ANKRD36C: variants seen among roughly 807,000 people sequenced by gnomAD.
ANKRD36C encodes the protein ankyrin repeat domain 36C, also known as ankyrin repeat domain-containing protein 36C.
ANKRD36C carries 61 observed loss-of-function variants against 276.4 expected under a neutral mutation model. That is an observed-to-expected ratio of 0.22 (90% CI 0.18 to 0.27). The LOEUF (loss-of-function observed/expected upper bound fraction) is 0.27, where lower values mean the gene tolerates loss of function less well. Among genes scored for constraint, ANKRD36C ranks in the 10% least tolerant of loss-of-function variants. ANKRD36C has a pLI of 1.00. For synonymous variants in ANKRD36C, 483 were observed against 680.1 expected (o/e 0.71, Z 4.51); for missense variants, 1,447 against 2,032.3 (o/e 0.71, Z 5.54).
chr2:95,884,369 C>T lies in ANKRD36C; in HGVS notation c.3164-1G>A. ...AAGGCTGGTTGTCTCTGAGAAGACA[C>T]TGAAAAGCAAAAGGGATACATAATC... On this transcript the variant is annotated splice_acceptor_variant, in intron 52 of 66. Coordinates refer to ENST00000456556, the Ensembl canonical transcript of ANKRD36C. LOFTEE classifies it high-confidence loss of function. 1.2e-6 allele frequency: 2 copies of T among 1,610,738 alleles called. No homozygotes were observed. Among genetic ancestry groups the T allele is most frequent in the South Asian group, 2.2e-5 (2 of 90,956 alleles).
At chr2:95,889,630 C>A (rs1228585373) in intron 48 of ANKRD36C, among the ~76,000 whole-genome samples, 169 bp downstream of exon 68, 1 of 151,430 alleles carries the variant, frequency 6.6e-6, no homozygotes, top group African/African-American at 2.4e-5. Context: ...TTCATCATGG[C>A]CAAGGACCAC....
At chr2:95,852,948 C>G (rs1668956163) in intron 64 of ANKRD36C, 1 of 152,278 alleles carries the variant, frequency 6.6e-6, no homozygotes, top group Admixed American at 6.5e-5. Flanking sequence ...CAAAGGTGTC[C>G]ATTAAACATG....
At chr2:95,915,766 C>T (rs1023337214) in intron 38 of ANKRD36C, among the ~76,000 whole-genome samples, 1 of 151,500 alleles carries the variant, frequency 6.6e-6, no homozygotes, top group Non-Finnish European at 1.5e-5. Flanking sequence ...ATTTCTTCCT[C>T]CCAATTGCAA....
chr2:95,956,732 TTCTC>T (rs1470354187), intron 13 of ANKRD36C, 50 bp downstream of exon 13: 7 of 1,473,150 alleles, frequency 4.8e-6, no homozygotes, highest in Non-Finnish European at 6.4e-6. Context: ...CTAGTTTCTA[TTCTC>T]TCTATTAACT....
chr2:95,959,996 C>G (rs1199594930), intron 10 of ANKRD36C, among the ~76,000 whole-genome samples: 1 of 152,180 alleles, frequency 6.6e-6, no homozygotes, highest in Non-Finnish European at 1.5e-5. Context: ...TTCCCTTCTT[C>G]CTGCCTCACA....
intron 44 of ANKRD36C, among the ~76,000 whole-genome samples, chr2:95,897,778 A>G (rs1267889380): frequency 6.7e-6 from 1 of 148,336 alleles, no homozygotes; most frequent in East Asian, 2.0e-4. Context: ...AAATCAGAGG[A>G]GCAACACATA....
intron 58 of ANKRD36C, among the ~76,000 whole-genome samples, chr2:95,879,476 T>G (rs1676027416): frequency 6.6e-6 from 1 of 150,870 alleles, no homozygotes. Context: ...AAGAAATGGT[T>G]AACGCTTGAG....
intron 22 of ANKRD36C, among the ~76,000 whole-genome samples, chr2:95,937,197 T>C (rs1677742484): frequency 6.6e-6 from 1 of 152,306 alleles, no homozygotes; most frequent in African/African-American, 2.4e-5. Flanking sequence ...AAACAGACTC[T>C]AAAATTTTAT....
intron 5 of ANKRD36C, among the ~76,000 whole-genome samples, chr2:95,978,730 T>G (rs952704645): frequency 2.0e-5 from 3 of 152,108 alleles, no homozygotes; most frequent in Non-Finnish European, 4.4e-5. Context: ...AAGAAAAATG[T>G]TAAGTCCTAA....
chr2:95,971,343 A>G (rs1678692505), intron 6 of ANKRD36C, among the ~76,000 whole-genome samples: 1 of 143,664 alleles, frequency 7.0e-6, no homozygotes, highest in Non-Finnish European at 1.5e-5. Flanking sequence ...TGATGCAACA[A>G]TGTAAGCTTC....
intron 1 of ANKRD36C, among the ~76,000 whole-genome samples, chr2:95,988,068 C>T (rs943617580): frequency 6.8e-6 from 1 of 148,112 alleles, no homozygotes; most frequent in African/African-American, 2.5e-5. Flanking sequence ...TGATGCCTTA[C>T]ATTAAGTGGG....
intron 52 of ANKRD36C, 54 bp from the exon 73 acceptor site, chr2:95,884,422 T>C (rs1676156344): frequency 1.2e-6 from 2 of 1,608,076 alleles, no homozygotes; most frequent in Non-Finnish European, 1.7e-6. Flanking sequence ...ATAAAGTTAT[T>C]CATACATTCA....
At chr2:95,915,789 TA>T (rs956416281) in intron 38 of ANKRD36C, among the ~76,000 whole-genome samples, 190 bp downstream of exon 40, 1 of 151,520 alleles carries the variant, frequency 6.6e-6, no homozygotes, top group African/African-American at 2.4e-5. Context: ...TGGGGATGTG[TA>T]TAATCTTACA....
At chr2:95,883,513 G>T (rs976231365) in intron 54 of ANKRD36C, among the ~76,000 whole-genome samples, 1 of 152,032 alleles carries the variant, frequency 6.6e-6, no homozygotes, top group Non-Finnish European at 1.5e-5. Flanking sequence ...ATGCCCAAGA[G>T]TAACAAAGAG....
chr2:95,946,176 A>C (rs1265949161), intron 17 of ANKRD36C, among the ~76,000 whole-genome samples: 2 of 150,304 alleles, frequency 1.3e-5, no homozygotes, highest in Non-Finnish European at 3.0e-5. Context: ...AAAAAAAAAA[A>C]AACAATAAAA....
chr2:95,858,159 A>G (rs202190052), intron 61 of ANKRD36C, among the ~76,000 whole-genome samples: 2,896 of 146,776 alleles, frequency 0.02, 58 homozygotes, highest in Non-Finnish European at 0.021. Context: ...GCTGCGACCC[A>G]ACCACCTTGG....
chr2:95,890,037 G>A (rs1676301716), intron 46 of ANKRD36C, 43 bp from the exon 67 acceptor site: 2 of 1,591,960 alleles, frequency 1.3e-6, no homozygotes, highest in African/African-American at 1.3e-5. Flanking sequence ...ACGTAAATAT[G>A]ATAAAGTTAT....
chr2:95,862,843 C>A (rs1675614533), intron 60 of ANKRD36C, among the ~76,000 whole-genome samples: 1 of 151,966 alleles, frequency 6.6e-6, no homozygotes, highest in Admixed American at 6.6e-5. Context: ...CCCAGATCTC[C>A]TTCACCCCTT....
At chr2:95,873,133 T>C (rs1290184835) in intron 59 of ANKRD36C, among the ~76,000 whole-genome samples, 2 of 151,926 alleles carry the variant, frequency 1.3e-5, no homozygotes, top group Non-Finnish European at 2.9e-5. Context: ...TTCCAATCAA[T>C]AGAAAAAGAG....
Sources: allele counts gnomAD v4.1 joint callset (sites outside exome capture counted in the v4.1 genomes callset), GRCh38; gene constraint gnomAD v4.1.1; transcripts MANE v1.5; gene names NCBI Gene and HGNC (gene_info 2026-07-23, HGNC 2026-07-21).